The following SLC25A21 variants were observed in gnomAD, a reference collection of about 807,000 sequenced individuals.
The protein encoded by SLC25A21 is mitochondrial 2-oxodicarboxylate carrier.
SLC25A21 carries 47 observed loss-of-function variants against 43.8 expected under a neutral mutation model. The ratio of observed to expected loss-of-function variants is 1.07; its 90% CI spans 0.85 to 1.37. The LOEUF (loss-of-function observed/expected upper bound fraction) is 1.37. Ranked by LOEUF, SLC25A21 falls within the 40% of genes most tolerant of loss-of-function variation. SLC25A21 has a pLI of 0.00. For synonymous variants in SLC25A21, 131 were observed against 121.3 expected (o/e 1.08, Z -0.52); for missense variants, 352 against 350.2 (o/e 1.00, Z -0.04).
intron 1 of SLC25A21, among the ~76,000 whole-genome samples, chr14:37,106,618 C>T (rs1222163118): frequency 6.6e-6 from 1 of 152,174 alleles, no homozygotes; most frequent in African/African-American, 2.4e-5. Context: ...AGTAGCTCTG[C>T]TTTTGCCTTT....
At position 36,981,227 on chromosome 14, in the gene SLC25A21, T is replaced by C. The variant is rs149899450; in HGVS notation, c.71-106223A>G. On this transcript the variant is annotated intron_variant, in intron 1 of 9. Coordinates refer to ENST00000331299, the MANE Select transcript of SLC25A21 (RefSeq NM_030631.4). ...AGATGTGGAGAAATAGGAACGCTTT[T>C]ACACTGCTCTTGGGACTGTAAACTA... Among the ~76,000 whole-genome samples the C allele has an allele frequency of 2.0e-4, 30 of 152,324 alleles. No individual in the cohort carries two copies. The East Asian group carries it at 5.8e-3, about 29-fold the overall frequency.
At chr14:36,725,413 T>C (rs1410327588) in intron 6 of SLC25A21, 157 bp downstream of exon 6, 1 of 237,000 alleles carries the variant, frequency 4.2e-6, no homozygotes, top group African/African-American at 2.4e-5. Flanking sequence ...AGACGGAGGT[T>C]GCGGTGAGCC....
intron 2 of SLC25A21, among the ~76,000 whole-genome samples, chr14:36,854,748 G>C (rs1168386456): frequency 6.6e-6 from 1 of 152,146 alleles, no homozygotes; most frequent in African/African-American, 2.4e-5. Flanking sequence ...GGAAAAGACT[G>C]GTTGGGATCC....
In SLC25A21 at chr14:37,150,031, C is replaced by G. The variant is rs78954639; in HGVS notation, c.70+22250G>C. 3.1e-3 allele frequency among the ~76,000 whole-genome samples: 475 copies of G among 152,082 alleles called. 1 individual carries two copies. Among genetic ancestry groups the G allele is most frequent in the African/African-American group, 0.011 (443 of 41,504 alleles). On this transcript the variant is annotated intron_variant, in intron 1 of 9. Transcript: ENST00000331299. ...GGAGTAGGGTTGAAGGAAAAAAATC[C>G]TGTTTAGAACTTACATTCAAGAAAA...
chr14:36,801,813 T>G (rs1161141178), intron 3 of SLC25A21, among the ~76,000 whole-genome samples: 1 of 152,230 alleles, frequency 6.6e-6, no homozygotes, highest in Non-Finnish European at 1.5e-5. Context: ...TTTGTCCCTC[T>G]GCTTATTAAA....
chr14:37,053,922 T>C (rs1961763731), intron 1 of SLC25A21, among the ~76,000 whole-genome samples: 1 of 152,200 alleles, frequency 6.6e-6, no homozygotes, highest in Admixed American at 6.5e-5. Flanking sequence ...TAATACTTTT[T>C]TAAAAACTGG....
At chr14:36,685,958 GC>G (rs1882519055) in intron 7 of SLC25A21, among the ~76,000 whole-genome samples, 1 of 152,014 alleles carries the variant, frequency 6.6e-6, no homozygotes, top group Admixed American at 6.6e-5. Context: ...TCTTTTCCCT[GC>G]CCTCTCTTTT....
intron 3 of SLC25A21, among the ~76,000 whole-genome samples, chr14:36,780,953 T>C (rs1164715205): frequency 6.6e-6 from 1 of 152,138 alleles, no homozygotes; most frequent in Non-Finnish European, 1.5e-5. Flanking sequence ...TGTATTGCTA[T>C]CTATCTATGC....
At chr14:36,943,280 C>T (rs981971043) in intron 1 of SLC25A21, among the ~76,000 whole-genome samples, 1 of 152,148 alleles carries the variant, frequency 6.6e-6, no homozygotes, top group Non-Finnish European at 1.5e-5. Flanking sequence ...AGCTCTCTGC[C>T]TCCCGGGTTC....
intron 7 of SLC25A21, among the ~76,000 whole-genome samples, chr14:36,686,762 C>A (rs1882568562): frequency 6.6e-6 from 1 of 152,124 alleles, no homozygotes; most frequent in South Asian, 2.1e-4. Context: ...GATTTGTATA[C>A]ACGTTGTCCT....
At chr14:36,937,547 AC>A (rs1222913365) in intron 1 of SLC25A21, among the ~76,000 whole-genome samples, 1 of 152,104 alleles carries the variant, frequency 6.6e-6, no homozygotes, top group African/African-American at 2.4e-5. Flanking sequence ...CTTTTTCAAA[AC>A]CTACTGTGTG....
intron 1 of SLC25A21, among the ~76,000 whole-genome samples, chr14:36,884,578 A>G (rs562292266): frequency 6.6e-6 from 1 of 152,262 alleles, no homozygotes; most frequent in South Asian, 2.1e-4. Flanking sequence ...GGCTATACTA[A>G]TATGCATTCC....
At chr14:36,964,159 T>C (rs1294414380) in intron 1 of SLC25A21, among the ~76,000 whole-genome samples, 1 of 152,258 alleles carries the variant, frequency 6.6e-6, no homozygotes, top group Non-Finnish European at 1.5e-5. Context: ...TGTTTCTAAG[T>C]ATATGCATCC....
chr14:36,886,967 A>G (rs2682836), intron 1 of SLC25A21, among the ~76,000 whole-genome samples: 121,438 of 151,952 alleles, frequency 0.8, 49,261 homozygotes, highest in Non-Finnish European at 0.86. Flanking sequence ...ACCACAATCA[A>G]CAATGCAACG....
At chr14:36,688,449 C>A (rs1227854350) in intron 7 of SLC25A21, among the ~76,000 whole-genome samples, 1 of 152,218 alleles carries the variant, frequency 6.6e-6, no homozygotes, top group Non-Finnish European at 1.5e-5. Context: ...GCTAAATAAA[C>A]CAAGATGCTC....
chr14:37,113,616 G>A (rs564561809), intron 1 of SLC25A21, among the ~76,000 whole-genome samples: 302 of 152,214 alleles, frequency 2.0e-3, no homozygotes, highest in African/African-American at 6.8e-3. Context: ...CACTTCAGGA[G>A]GCTAAAGCAG....
intron 2 of SLC25A21, among the ~76,000 whole-genome samples, chr14:36,868,315 A>G (rs953690881): frequency 1.3e-5 from 2 of 152,262 alleles, no homozygotes; most frequent in African/African-American, 4.8e-5. Context: ...ACAGAACTAT[A>G]AAACAATATA....
At position 36,684,700 on chromosome 14, in the gene SLC25A21, C is replaced by A. The variant is rs373715236; in HGVS notation, c.785+44G>T. 29 of 1,541,750 alleles carry A rather than the reference C, an allele frequency of 1.9e-5. 1 individual carries two copies. The South Asian group carries it at 3.5e-4, about 19-fold the overall frequency. ...GAAGGACAATACGGTTCTAACAATA[C>A]GTGAGCCTCATACATTTATTAAAAT... is the stretch of plus-strand genomic sequence containing the variant. On this transcript the variant is annotated intron_variant, in intron 8 of 9. Transcript: ENST00000331299.
intron 2 of SLC25A21, 119 bp downstream of exon 2, chr14:36,874,837 T>C (rs971161222): frequency 3.9e-5 from 26 of 672,968 alleles, no homozygotes; most frequent in Admixed American, 2.2e-4. Context: ...GAAGCAAATA[T>C]AACTGCCATT....
Sources: allele counts gnomAD v4.1 joint callset (sites outside exome capture counted in the v4.1 genomes callset), GRCh38; gene constraint gnomAD v4.1.1; transcripts MANE v1.5; gene names NCBI Gene and HGNC (gene_info 2026-07-23, HGNC 2026-07-21).